The following CCDC30 variants were observed in gnomAD, a reference collection of about 807,000 sequenced individuals.
CCDC30 encodes the protein coiled-coil domain-containing protein 30.
Under a neutral mutation model 100.2 loss-of-function variants are expected in CCDC30, and 70 were observed. The ratio of observed to expected loss-of-function variants is 0.70; its 90% CI spans 0.58 to 0.85. CCDC30 has a LOEUF of 0.85. Among genes scored for constraint, CCDC30 ranks in the 40% least tolerant of loss-of-function variants. CCDC30 has a pLI of 0.00. For missense variants in CCDC30, 652 were observed against 771.2 expected (o/e 0.85, Z 1.83); for synonymous variants, 233 against 269.5 (o/e 0.86, Z 1.33).
intron 10 of CCDC30, among the ~76,000 whole-genome samples, chr1:42,599,453 C>G (rs1203943069): frequency 6.6e-6 from 1 of 152,042 alleles, no homozygotes; most frequent in African/African-American, 2.4e-5. Context: ...ATATAAAATG[C>G]TCAATTAAAG....
chr1:42,536,878 T>A, intron 6 of CCDC30: 1 of 405,170 alleles, frequency 2.5e-6, no homozygotes, highest in Non-Finnish European at 4.5e-6. Context: ...CATGACAGAG[T>A]GAGCAAGCTC....
At chr1:42,556,238 G>C in intron 6 of CCDC30, 1 of 1,614,076 alleles carries the variant, frequency 6.2e-7, no homozygotes, top group South Asian at 1.1e-5. Context: ...GGGGCAGAAG[G>C]AGGAGGGCTC....
At chr1:42,619,310 A>T (rs1302945336) in intron 11 of CCDC30, among the ~76,000 whole-genome samples, 2 of 152,228 alleles carry the variant, frequency 1.3e-5, no homozygotes, top group African/African-American at 2.4e-5. Flanking sequence ...TGGAAAATGG[A>T]GGAGCCCTGC....
chr1:42,577,122 G>A (rs1257161473), exon 8 of CCDC30: 1 of 1,614,034 alleles, frequency 6.2e-7, no homozygotes, highest in South Asian at 1.1e-5. Context: ...GAAAATCAAG[G>A]AACTGGAGTT....
At chr1:42,536,709 A>G (rs946554565) in intron 6 of CCDC30, 108 bp downstream of exon 7, 9 of 767,770 alleles carry the variant, frequency 1.2e-5, no homozygotes, top group African/African-American at 1.8e-5. Flanking sequence ...TTGGGCTGCC[A>G]TAACCAAACA....
chr1:42,543,149 A>G (rs1162734999), intron 6 of CCDC30, among the ~76,000 whole-genome samples: 1 of 151,568 alleles, frequency 6.6e-6, no homozygotes, highest in African/African-American at 2.4e-5. Flanking sequence ...AATTTTTTGT[A>G]TTTTTAGTAG....
chr1:42,609,469 C>T (rs2148639015), intron 10 of CCDC30, among the ~76,000 whole-genome samples: 1 of 152,198 alleles, frequency 6.6e-6, no homozygotes, highest in Middle Eastern at 3.4e-3. Flanking sequence ...TGTGGGGGGT[C>T]AGTGCCCCTA....
At chr1:42,465,737 G>C (rs111815594) in intron 1 of CCDC30, among the ~76,000 whole-genome samples, 2 of 152,126 alleles carry the variant, frequency 1.3e-5, no homozygotes, top group Non-Finnish European at 2.9e-5. Flanking sequence ...ATGTACGTAA[G>C]CATTTTTAGT....
At chr1:42,634,249 C>CA (rs754829759) in intron 11 of CCDC30, among the ~76,000 whole-genome samples, 2,067 of 114,890 alleles carry the variant, frequency 0.018, 57 homozygotes, top group Non-Finnish European at 0.025. Flanking sequence ...AAGACTGTCT[C>CA]AAAAAAAAAA....
At chr1:42,574,667 G>A (rs778606621) in intron 7 of CCDC30, among the ~76,000 whole-genome samples, 2 of 152,052 alleles carry the variant, frequency 1.3e-5, no homozygotes, top group Non-Finnish European at 2.9e-5. Context: ...ATAGTATAGA[G>A]TACTGGATTA....
intron 4 of CCDC30, among the ~76,000 whole-genome samples, chr1:42,490,664 C>T (rs1644123957): frequency 6.6e-6 from 1 of 152,044 alleles, no homozygotes; most frequent in South Asian, 2.1e-4. Context: ...CCATACCACC[C>T]TGAACACACA....
chr1:42,463,291 G>A (rs1034294885), upstream of CCDC30: 1 of 152,270 alleles, frequency 6.6e-6, no homozygotes, highest in Non-Finnish European at 1.5e-5. Context: ...CGGTTGCTAT[G>A]ACGCCCAGGT....
intron 6 of CCDC30, among the ~76,000 whole-genome samples, chr1:42,501,106 T>C (rs1644306114): frequency 6.6e-6 from 1 of 152,202 alleles, no homozygotes; most frequent in Non-Finnish European, 1.5e-5. Flanking sequence ...TTATCTACTC[T>C]AAGGTCACAA....
chr1:42,613,638 CAG>C (rs1233936161), intron 11 of CCDC30, among the ~76,000 whole-genome samples: 1 of 152,050 alleles, frequency 6.6e-6, no homozygotes, highest in Admixed American at 6.6e-5. Flanking sequence ...GGGTAATTTC[CAG>C]ATGTTGCCAT....
upstream of CCDC30, chr1:42,459,410 C>A: frequency 1.7e-6 from 1 of 600,834 alleles, no homozygotes; most frequent in Non-Finnish European, 2.9e-6. Flanking sequence ...ATCCACCCAT[C>A]CTGGCCTTCC....
At chr1:42,505,415 G>GA (rs891332506) in intron 6 of CCDC30, among the ~76,000 whole-genome samples, 8 of 151,582 alleles carry the variant, frequency 5.3e-5, no homozygotes, top group South Asian at 2.1e-4. Flanking sequence ...AAAATGTAGG[G>GA]AAAAAAAACT....
At chr1:42,531,309 A>G (rs1557829419) in intron 6 of CCDC30, among the ~76,000 whole-genome samples, 1 of 152,132 alleles carries the variant, frequency 6.6e-6, no homozygotes, top group Non-Finnish European at 1.5e-5. Context: ...AGCCTGAGGA[A>G]CTGTGAGTCA....
intron 6 of CCDC30, among the ~76,000 whole-genome samples, chr1:42,523,116 C>T (rs1273935865): frequency 2.0e-5 from 3 of 152,196 alleles, no homozygotes; most frequent in African/African-American, 7.2e-5. Context: ...AGGCATGAGC[C>T]ACTGCACCCA....
chr1:42,570,368 A>T (rs949313580), intron 7 of CCDC30, among the ~76,000 whole-genome samples: 1 of 151,634 alleles, frequency 6.6e-6, no homozygotes, highest in African/African-American at 2.4e-5. Context: ...CTTTTTCTTT[A>T]AAAAAAAGAA....
Sources: gnomAD v4.1 joint callset for allele counts (sites outside exome capture counted in the v4.1 genomes callset) on GRCh38, gnomAD v4.1.1 for gene constraint, MANE v1.5 for transcripts, NCBI Gene and HGNC (gene_info 2026-07-23, HGNC 2026-07-21) for gene names.